The following RHOA variants were observed in gnomAD, a reference collection of about 807,000 sequenced individuals.
The protein encoded by RHOA is ras homolog family member A.
In RHOA, 3 loss-of-function variants were observed where a neutral mutation model predicts 17.5. The observed-to-expected ratio is 0.17, with a 90% confidence interval of 0.08 to 0.44. The LOEUF (loss-of-function observed/expected upper bound fraction) is 0.44, where lower values mean the gene tolerates loss of function less well. Among genes scored for constraint, RHOA ranks in the 20% least tolerant of loss-of-function variants. The probability of loss-of-function intolerance (pLI) is 0.99; values close to 1 mark genes in which losing one functional copy is unlikely to be tolerated. For synonymous variants in RHOA, 98 were observed against 88.4 expected (o/e 1.11, Z -0.61); for missense variants, 56 against 242.3 (o/e 0.23, Z 5.10).
At chr3:49,371,286 T>G (rs1435181745) in intron 2 of RHOA, among the ~76,000 whole-genome samples, 2 of 152,078 alleles carry the variant, frequency 1.3e-5, no homozygotes, top group African/African-American at 2.4e-5. Context: ...CTACTGTTTT[T>G]TTTTTTTTTT....
chr3:49,375,841 G>A (rs2048217065), intron 1 of RHOA, among the ~76,000 whole-genome samples: 1 of 151,950 alleles, frequency 6.6e-6, no homozygotes, highest in Non-Finnish European at 1.5e-5. Context: ...AAGAATGTCT[G>A]TTCTTGCCAC....
intron 1 of RHOA, among the ~76,000 whole-genome samples, chr3:49,391,363 A>C (rs547737724): frequency 6.6e-6 from 1 of 151,616 alleles, no homozygotes; most frequent in Non-Finnish European, 1.5e-5. Context: ...CTGCACTCCA[A>C]CTTGAGCGAC....
intron 1 of RHOA, among the ~76,000 whole-genome samples, chr3:49,389,522 A>G (rs1243486554): frequency 6.6e-6 from 1 of 152,184 alleles, no homozygotes; most frequent in Non-Finnish European, 1.5e-5. Flanking sequence ...TTCCAGCCAC[A>G]TGTCATTAAT....
chr3:49,395,245 C>T (rs575717785), intron 1 of RHOA, among the ~76,000 whole-genome samples: 56 of 146,194 alleles, frequency 3.8e-4, no homozygotes, highest in Non-Finnish European at 7.0e-4. Context: ...TGCAAGACTC[C>T]GTCTCAAAAA....
intron 1 of RHOA, among the ~76,000 whole-genome samples, chr3:49,377,680 G>A (rs2048252517): frequency 1.3e-5 from 2 of 151,678 alleles, no homozygotes; most frequent in South Asian, 2.1e-4. Context: ...AGGCTGAGGT[G>A]GGAGGATTGC....
At position 49,359,941 on chromosome 3, in the gene RHOA, TAAG is replaced by T. The variant is rs2047933315; in HGVS notation, c.*265_*267del. 7.7e-6 allele frequency: 3 copies of T among 390,620 alleles called. No individual in the cohort carries two copies. Among genetic ancestry groups the T allele is most frequent in the South Asian group, 5.9e-5 (1 of 16,946 alleles). The allele number at this position is 390,620 out of a possible 1,614,324, so 24.2% of individuals were successfully genotyped here. On this transcript the variant is annotated 3_prime_UTR_variant, in exon 5 of 5. Coordinates refer to ENST00000418115, the MANE Select transcript of RHOA (RefSeq NM_001664.4). Reference sequence around the variant, plus strand: ...CTCTTTCTAGAAAGAAGCAAGAAGTTAAGAAATTCCTTGAATTAGCGCCTGGTG... The same window carrying T: ...CTCTTTCTAGAAAGAAGCAAGAAGTTAAATTCCTTGAATTAGCGCCTGGTG...
chr3:49,370,575 G>T (rs2048133272), intron 2 of RHOA, among the ~76,000 whole-genome samples: 1 of 152,174 alleles, frequency 6.6e-6, no homozygotes, highest in Non-Finnish European at 1.5e-5. Context: ...AGCCCTTTTG[G>T]CTGTGCCTTT....
chr3:49,411,301 T>G (rs988295171), intron 1 of RHOA, among the ~76,000 whole-genome samples: 1 of 152,208 alleles, frequency 6.6e-6, no homozygotes, highest in Non-Finnish European at 1.5e-5. Flanking sequence ...CTCCAACAAG[T>G]CTGCATTAAA....
At chr3:49,371,101 C>T (rs2048139974) in intron 2 of RHOA, among the ~76,000 whole-genome samples, 1 of 152,088 alleles carries the variant, frequency 6.6e-6, no homozygotes, top group African/African-American at 2.4e-5. Flanking sequence ...CTCTCCCGGC[C>T]CCCTCCACCC....
intron 2 of RHOA, among the ~76,000 whole-genome samples, chr3:49,373,964 G>C (rs1447580560): frequency 1.3e-5 from 2 of 151,854 alleles, no homozygotes; most frequent in Non-Finnish European, 2.9e-5. Flanking sequence ...TCTTGCCAGA[G>C]GGCTTTTAGG....
chr3:49,407,064 T>A (rs150752628), intron 1 of RHOA, among the ~76,000 whole-genome samples: 2 of 151,944 alleles, frequency 1.3e-5, no homozygotes, highest in Non-Finnish European at 2.9e-5. Flanking sequence ...CGAGAATCGC[T>A]TGAACCTGGG....
intron 1 of RHOA, among the ~76,000 whole-genome samples, chr3:49,388,763 G>C (rs962413684): frequency 3.9e-5 from 6 of 152,124 alleles, no homozygotes; most frequent in Non-Finnish European, 8.8e-5. Flanking sequence ...CTGTTCAATG[G>C]CCAGCCTACT....
At chr3:49,407,678 T>C (rs1436509193) in intron 1 of RHOA, among the ~76,000 whole-genome samples, 1 of 152,158 alleles carries the variant, frequency 6.6e-6, no homozygotes, top group Non-Finnish European at 1.5e-5. Context: ...AATATCTAAA[T>C]GACTTCTAAT....
intron 1 of RHOA, among the ~76,000 whole-genome samples, chr3:49,377,515 C>T (rs1291165405): frequency 6.6e-6 from 1 of 151,780 alleles, no homozygotes; most frequent in African/African-American, 2.4e-5. Flanking sequence ...ATCCCCTGAG[C>T]CCTGGAGGTG....
At chr3:49,409,212 C>A (rs1439115581) in intron 1 of RHOA, among the ~76,000 whole-genome samples, 19 of 151,496 alleles carry the variant, frequency 1.3e-4, no homozygotes, top group Non-Finnish European at 2.5e-4. Flanking sequence ...CTGGCCAACA[C>A]GGTGAAACCC....
At chr3:49,382,678 T>C (rs2048336484) in intron 1 of RHOA, among the ~76,000 whole-genome samples, 1 of 152,076 alleles carries the variant, frequency 6.6e-6, no homozygotes. Context: ...TCATAAGGCC[T>C]AATCTGCATG....
chr3:49,410,464 G>C (rs1305522089), intron 1 of RHOA, among the ~76,000 whole-genome samples: 1 of 152,106 alleles, frequency 6.6e-6, no homozygotes, highest in Non-Finnish European at 1.5e-5. Flanking sequence ...TCAAACCAAG[G>C]TGCACCTTAT....
chr3:49,364,212 G>A (rs543130935), intron 3 of RHOA, among the ~76,000 whole-genome samples: 20 of 152,184 alleles, frequency 1.3e-4, no homozygotes, highest in Admixed American at 8.5e-4. Context: ...ATTGCCAGGC[G>A]CAGTGGTTCA....
At chr3:49,398,503 T>C (rs535202085) in intron 1 of RHOA, among the ~76,000 whole-genome samples, 31 of 151,550 alleles carry the variant, frequency 2.0e-4, no homozygotes, top group Non-Finnish European at 3.7e-4. Flanking sequence ...GTAGCATCAA[T>C]AGATGTTAAG....
Sources: gnomAD v4.1 joint callset for allele counts (sites outside exome capture counted in the v4.1 genomes callset) on GRCh38, gnomAD v4.1.1 for gene constraint, MANE v1.5 for transcripts, NCBI Gene and HGNC (gene_info 2026-07-23, HGNC 2026-07-21) for gene names.